The following SAMTOR variants were observed in gnomAD, a reference collection of about 807,000 sequenced individuals.
SAMTOR encodes S-adenosylmethionine sensor upstream of mTORC1, also known as UPF0532 protein C7orf60.
the SAMTOR span, among the ~76,000 whole-genome samples, chr7:112,856,937 T>A: frequency 6.6e-6 from 1 of 152,150 alleles, no homozygotes; most frequent in Admixed American, 6.5e-5. Flanking sequence ...TTAGGTTCAT[T>A]CATTCCCTAA....
At chr7:112,878,001 C>T in the SAMTOR span, among the ~76,000 whole-genome samples, 1 of 152,120 alleles carries the variant, frequency 6.6e-6, no homozygotes, top group South Asian at 2.1e-4. Flanking sequence ...ATTATCCGGT[C>T]TCAGGTTATA....
the SAMTOR span, chr7:112,822,345 A>C: frequency 6.2e-7 from 1 of 1,606,040 alleles, no homozygotes; most frequent in Non-Finnish European, 8.5e-7. Context: ...CTGAAGCTGT[A>C]AGTTCAGGAA....
At chr7:112,934,910 A>C in the SAMTOR span, among the ~76,000 whole-genome samples, 23 of 152,336 alleles carry the variant, frequency 1.5e-4, 1 homozygote, top group East Asian at 4.4e-3. Context: ...GCTAAACACT[A>C]ATGTACATTG....
At chr7:112,870,515 A>G in the SAMTOR span, among the ~76,000 whole-genome samples, 7 of 152,198 alleles carry the variant, frequency 4.6e-5, no homozygotes, top group Non-Finnish European at 1.0e-4. Flanking sequence ...CACTGCCATC[A>G]CAGGCCCTAC....
the SAMTOR span, among the ~76,000 whole-genome samples, chr7:112,911,734 G>A: frequency 6.6e-6 from 1 of 151,562 alleles, no homozygotes; most frequent in Non-Finnish European, 1.5e-5. Context: ...TCTCTAAAAA[G>A]CCAAGTAACT....
the SAMTOR span, among the ~76,000 whole-genome samples, chr7:112,873,712 G>C: frequency 6.6e-6 from 1 of 152,054 alleles, no homozygotes; most frequent in African/African-American, 2.4e-5. Flanking sequence ...AAACTGACAA[G>C]TGGAACCTAA....
chr7:112,906,126 G>C, the SAMTOR span, among the ~76,000 whole-genome samples: 1 of 152,116 alleles, frequency 6.6e-6, no homozygotes, highest in East Asian at 1.9e-4. Context: ...TAACAATGGG[G>C]ATATGTCCCA....
At chr7:112,894,045 T>G in the SAMTOR span, among the ~76,000 whole-genome samples, 3 of 152,216 alleles carry the variant, frequency 2.0e-5, no homozygotes, top group African/African-American at 7.2e-5. Context: ...CTTCTAGCTT[T>G]TGATTTAGTC....
At chr7:112,849,293 T>A in the SAMTOR span, among the ~76,000 whole-genome samples, 1 of 152,144 alleles carries the variant, frequency 6.6e-6, no homozygotes, top group African/African-American at 2.4e-5. Flanking sequence ...ACAATGTAAT[T>A]TCCCTTCACA....
chr7:112,838,222 A>G, the SAMTOR span, among the ~76,000 whole-genome samples: 4 of 151,942 alleles, frequency 2.6e-5, no homozygotes, highest in Admixed American at 2.0e-4. Flanking sequence ...ACAAGTAAGT[A>G]AGTTTTAGTA....
At chr7:112,859,922 A>G in the SAMTOR span, among the ~76,000 whole-genome samples, 1 of 152,226 alleles carries the variant, frequency 6.6e-6, no homozygotes, top group Non-Finnish European at 1.5e-5. Flanking sequence ...CACAGTGTTT[A>G]TAAAGTCTAT....
the SAMTOR span, among the ~76,000 whole-genome samples, chr7:112,893,283 GT>G: frequency 6.6e-6 from 1 of 152,208 alleles, no homozygotes; most frequent in African/African-American, 2.4e-5. Flanking sequence ...TTAAAAATCA[GT>G]TGTTTACTGT....
the SAMTOR span, among the ~76,000 whole-genome samples, chr7:112,851,875 C>G: frequency 6.6e-6 from 1 of 152,036 alleles, no homozygotes; most frequent in Non-Finnish European, 1.5e-5. Flanking sequence ...AGAAGACATA[C>G]AAGTTTCCAA....
the SAMTOR span, among the ~76,000 whole-genome samples, chr7:112,840,142 T>C: frequency 1.3e-5 from 2 of 152,048 alleles, no homozygotes; most frequent in East Asian, 3.9e-4. Context: ...CGATGGAGTC[T>C]GGGCATTATG....
At chr7:112,869,211 C>T in the SAMTOR span, among the ~76,000 whole-genome samples, 263 of 152,274 alleles carry the variant, frequency 1.7e-3, no homozygotes, top group African/African-American at 6.1e-3. Flanking sequence ...GGGACGAATG[C>T]GGCAGCAGCT....
At chr7:112,876,655 A>G in the SAMTOR span, among the ~76,000 whole-genome samples, 1 of 152,138 alleles carries the variant, frequency 6.6e-6, no homozygotes, top group African/African-American at 2.4e-5. Flanking sequence ...TTCAACCCAT[A>G]TAACAGTGTA....
the SAMTOR span, among the ~76,000 whole-genome samples, chr7:112,822,559 T>A: frequency 1.3e-5 from 2 of 152,122 alleles, no homozygotes; most frequent in Admixed American, 6.6e-5. Flanking sequence ...CTCAAAGTAA[T>A]TAAGTCCAAA....
the SAMTOR span, among the ~76,000 whole-genome samples, chr7:112,899,149 A>G: frequency 6.6e-6 from 1 of 152,156 alleles, no homozygotes; most frequent in Non-Finnish European, 1.5e-5. Flanking sequence ...TTCTCAGGGA[A>G]TTCCAAATAG....
chr7:112,926,915 T>C, the SAMTOR span, among the ~76,000 whole-genome samples: 7 of 152,090 alleles, frequency 4.6e-5, no homozygotes, highest in African/African-American at 1.7e-4. Flanking sequence ...TGTATACATT[T>C]TGTTAAAAGT....
Sources: gnomAD v4.1 joint callset for allele counts (sites outside exome capture counted in the v4.1 genomes callset) on GRCh38, gnomAD v4.1.1 for gene constraint, MANE v1.5 for transcripts, NCBI Gene and HGNC (gene_info 2026-07-23, HGNC 2026-07-21) for gene names.